The following NUP153 variants were observed in gnomAD, a reference collection of about 807,000 sequenced individuals.
The protein encoded by NUP153 is nucleoporin 153, also known as nuclear pore complex protein Nup153.
In NUP153, 27 loss-of-function variants were observed where a neutral mutation model predicts 134.6. That is an observed-to-expected ratio of 0.20 (90% CI 0.15 to 0.28). NUP153 has a LOEUF of 0.28. Among genes scored for constraint, NUP153 ranks in the 10% least tolerant of loss-of-function variants. NUP153 has a pLI of 1.00. For synonymous variants in NUP153, 640 were observed against 623.5 expected (o/e 1.03, Z -0.40); for missense variants, 1,821 against 1,731.3 (o/e 1.05, Z -0.92).
chr6:17,701,731 G>T (rs1770093132), intron 1 of NUP153, among the ~76,000 whole-genome samples: 1 of 150,880 alleles, frequency 6.6e-6, no homozygotes, highest in African/African-American at 2.4e-5. Flanking sequence ...CTACTCAAGA[G>T]CTGAGGCAGG....
intron 1 of NUP153, among the ~76,000 whole-genome samples, chr6:17,701,715 T>C (rs1182213118): frequency 2.7e-5 from 4 of 149,276 alleles, no homozygotes; most frequent in African/African-American, 9.9e-5. Context: ...GCGCCTGTAA[T>C]CCCAGCTACT....
At chr6:17,694,308 AC>A (rs377689236) in intron 1 of NUP153, among the ~76,000 whole-genome samples, 12 of 152,280 alleles carry the variant, frequency 7.9e-5, no homozygotes, top group African/African-American at 2.6e-4. Flanking sequence ...CAGGATAAAG[AC>A]CCTTTTCTGG....
chr6:17,686,597 A>G lies in NUP153; in HGVS notation c.334+1799T>C, dbSNP rs1047586410. Among the ~76,000 whole-genome samples the G allele has an allele frequency of 7.3e-5, 11 of 151,452 alleles. No homozygotes were observed. In the East Asian group the frequency reaches 2.1e-3, roughly 30 times the overall value. ...TTTTTAGTAGAGACGGGGTTTCACCATGTTAGCCAGGATGGTCTCAATCTC... is the reference window on the plus strand; with the variant it reads ...TTTTTAGTAGAGACGGGGTTTCACCGTGTTAGCCAGGATGGTCTCAATCTC... On this transcript the variant is annotated intron_variant, in intron 2 of 21. Coordinates refer to ENST00000262077, the MANE Select transcript of NUP153 (RefSeq NM_005124.4).
intron 20 of NUP153, among the ~76,000 whole-genome samples, chr6:17,620,531 A>G (rs1333620424): frequency 6.6e-6 from 1 of 152,188 alleles, no homozygotes; most frequent in African/African-American, 2.4e-5. Context: ...GAGACCACAA[A>G]ACCCCTAGAA....
At chr6:17,694,059 CTTTA>C (rs1197912703) in intron 1 of NUP153, among the ~76,000 whole-genome samples, 1 of 152,098 alleles carries the variant, frequency 6.6e-6, no homozygotes, top group Non-Finnish European at 1.5e-5. Flanking sequence ...ATTCCACCTA[CTTTA>C]TTGATAGCAC....
At chr6:17,627,952 A>G (rs757921343) in intron 18 of NUP153, among the ~76,000 whole-genome samples, 21 of 152,158 alleles carry the variant, frequency 1.4e-4, no homozygotes, top group Non-Finnish European at 2.4e-4. Flanking sequence ...ATATTTCCCC[A>G]AAACTTCTTA....
intron 11 of NUP153, among the ~76,000 whole-genome samples, chr6:17,658,783 G>T (rs1766993659): frequency 1.3e-5 from 2 of 152,064 alleles, no homozygotes; most frequent in Admixed American, 6.6e-5. Context: ...TGAGACATGG[G>T]ACAAAAAGTG....
chr6:17,696,623 T>C (rs893357535), intron 1 of NUP153, among the ~76,000 whole-genome samples: 6 of 151,798 alleles, frequency 4.0e-5, no homozygotes, highest in African/African-American at 1.5e-4. Flanking sequence ...GGTGTGGTGG[T>C]GGATGCCTGT....
rs950855006 is a variant in NUP153, at chr6:17,702,495, G to A, written c.111+3782C>T. Among the ~76,000 whole-genome samples the A allele has an allele frequency of 3.3e-5, 5 of 151,698 alleles. No homozygotes were observed. In the East Asian group the frequency reaches 7.8e-4, roughly 24 times the overall value. On this transcript the variant is annotated intron_variant, in intron 1 of 21. Coordinates refer to ENST00000262077, the MANE Select transcript of NUP153 (RefSeq NM_005124.4). ...TGCACTCCAGCCTGGGTGACAGAGC[G>A]AGACTCTGTCTCAAAAACAAAACAA...
At position 17,615,437 on chromosome 6, in the gene NUP153, C is replaced by CAA. The variant is rs1455841294; in HGVS notation, c.*658_*659dup. 1 of 152,448 alleles carries CAA rather than the reference C, an allele frequency of 6.6e-6. No individual in the cohort carries two copies. Among genetic ancestry groups the CAA allele is most frequent in the East Asian group, 1.9e-4 (1 of 5,196 alleles). The allele number at this position is 152,448 out of a possible 1,614,324, so 9.4% of individuals were successfully genotyped here. A position where few individuals can be genotyped will look rare whatever the true frequency, so the allele number is the denominator to read the frequency against. On this transcript the variant is annotated 3_prime_UTR_variant, in exon 22 of 22. Coordinates refer to ENST00000262077, the MANE Select transcript of NUP153 (RefSeq NM_005124.4). This position sits in a 1 kb window ranked among gnomAD's most constrained non-coding sequence, Gnocchi z 5.7. ...GTACAGAAACAAAATTGTATTTACA[C>CAA]AAGTTTCATAATAAAATAATGAAAA...
chr6:17,661,555 G>T, intron 11 of NUP153, 98 bp downstream of exon 11: 1 of 1,164,374 alleles, frequency 8.6e-7, no homozygotes, highest in Non-Finnish European at 1.2e-6. Context: ...ATTTTGCTCT[G>T]GGTCTCTTCG....
chr6:17,648,907 A>C (rs1429618223), intron 12 of NUP153, among the ~76,000 whole-genome samples: 1 of 152,186 alleles, frequency 6.6e-6, no homozygotes, highest in Non-Finnish European at 1.5e-5. Flanking sequence ...TCTTACTGGA[A>C]ACATTATTTG....
chr6:17,628,635 A>AATAATT lies in NUP153; in HGVS notation c.3544+19_3544+20insAATTAT. ...TAAAAAAAAAAATAATAATAATAAT[A>AATAATT]ATAAAAAGTTAATACTTACCAGCTG... On this transcript the variant is annotated intron_variant, in intron 18 of 21. Coordinates refer to ENST00000262077, the MANE Select transcript of NUP153 (RefSeq NM_005124.4). This position sits in a 1 kb window ranked among gnomAD's most constrained non-coding sequence, Gnocchi z 5.4. 1 of 1,245,944 alleles carries AATAATT rather than the reference A, an allele frequency of 8.0e-7. No homozygotes were observed. The highest frequency in any genetic ancestry group is 1.6e-5 in the African/African-American group (1 of 64,262). 77.2% of individuals were successfully genotyped at this position (1,245,944 alleles called of 1,614,324 possible). A position where few individuals can be genotyped will look rare whatever the true frequency, so the allele number is the denominator to read the frequency against.
At position 17,616,547 on chromosome 6, in the gene NUP153, A is replaced by G. The variant is rs541329586; in HGVS notation, c.4323T>C (p.Ser1441=). ...SGSGGFPFNQ[S]PAAFTVGSNG... is the part of the protein sequence containing the mutation. ...CTTACCCCACTGTAAATGCTGCTGG[A>G]GACTGGTTAAATGGAAAGCCCCCCG... The change falls in exon 21 of 22, where the codon TCT becomes TCC. Residue 1441 remains serine, a synonymous_variant. Transcript: ENST00000262077. 6.2e-7 allele frequency: 1 copy of G among 1,613,140 alleles called. No homozygotes were observed. The highest frequency in any genetic ancestry group is 1.3e-5 in the African/African-American group (1 of 74,956).
chr6:17,657,306 C>G (rs1766876798), intron 11 of NUP153, among the ~76,000 whole-genome samples: 1 of 151,256 alleles, frequency 6.6e-6, no homozygotes, highest in African/African-American at 2.4e-5. Context: ...CTTTGGGAAG[C>G]AAGGCGGGTG....
rs1768159738 is a variant in NUP153 at position 17,675,375 on chromosome 6, C to CA, written c.584-8dup. 3 of 1,612,570 alleles carry CA rather than the reference C, an allele frequency of 1.9e-6. No homozygotes were observed. The highest frequency in any genetic ancestry group is 1.7e-4 in the Middle Eastern group (1 of 6,058). The stretch of plus-strand genomic sequence containing the variant: ...TTCTTTGAAACAGTTATATCTGAAA[C>CA]AAAATTACATAATCCATAGTAATAA... On this transcript the variant is annotated splice_polypyrimidine_tract_variant and splice_region_variant and intron_variant, in intron 3 of 21. Transcript: ENST00000262077. The surrounding 1 kb of genome is among the most constrained non-coding windows in gnomAD (Gnocchi z 4.4).
intron 11 of NUP153, among the ~76,000 whole-genome samples, chr6:17,658,604 G>A (rs556732334): frequency 2.8e-4 from 42 of 152,282 alleles, no homozygotes; most frequent in African/African-American, 1.0e-3. Flanking sequence ...ACAAGAAGTT[G>A]CCAAAGAACT....
chr6:17,703,655 TA>T (rs57394467), intron 1 of NUP153, among the ~76,000 whole-genome samples: 34,101 of 141,888 alleles, frequency 0.24, 4,066 homozygotes, highest in Non-Finnish European at 0.29. Context: ...TTTTTAAGAT[TA>T]AAAAAAAAAA....
intron 9 of NUP153, among the ~76,000 whole-genome samples, chr6:17,663,158 T>C (rs1581723793): frequency 6.6e-6 from 1 of 151,846 alleles, no homozygotes; most frequent in African/African-American, 2.4e-5. Flanking sequence ...AGAGCAAATG[T>C]AGTAAAATGT....
Sources: allele counts gnomAD v4.1 joint callset (sites outside exome capture counted in the v4.1 genomes callset), GRCh38; gene constraint gnomAD v4.1.1; non-coding constraint Gnocchi (gnomAD v3.1); transcripts MANE v1.5; gene names NCBI Gene and HGNC (gene_info 2026-07-23, HGNC 2026-07-21).